Variants in GRIK2 observed in about 807,000 individuals in gnomAD.
GRIK2 encodes the protein glutamate ionotropic receptor kainate type subunit 2.
GRIK2 carries 32 observed loss-of-function variants against 100.3 expected under a neutral mutation model. That is an observed-to-expected ratio of 0.32 (90% CI 0.24 to 0.43). The LOEUF (loss-of-function observed/expected upper bound fraction) is 0.43. Ranked by LOEUF, GRIK2 falls within the 20% of genes least tolerant of loss-of-function variation. The pLI is 1.00. For synonymous variants in GRIK2, 417 were observed against 389.4 expected, an observed-to-expected ratio of 1.07 and a Z score of -0.83; for missense variants, 843 against 1,114.9, an observed-to-expected ratio of 0.76 and a Z score of 3.47.
At chr6:101,473,454 G>A (rs1772060517) in intron 2 of GRIK2, among the ~76,000 whole-genome samples, 2 of 151,652 alleles carry the variant, frequency 1.3e-5, no homozygotes, top group African/African-American at 4.8e-5. Flanking sequence ...ATAAATAATA[G>A]TCATGTAAAA....
In GRIK2 at chr6:101,537,442, TTG is replaced by T. The variant is rs72439810; in HGVS notation, c.116-84496_116-84495del. Among the ~76,000 whole-genome samples, 610 of 134,116 alleles carry T rather than the reference TTG, an allele frequency of 4.5e-3. 5 individuals are homozygous for T. Among genetic ancestry groups the T allele is most frequent in the East Asian group, 0.038 (176 of 4,610 alleles). The allele number at this position is 134,116 out of a possible 152,430, so 88.0% of individuals were successfully genotyped here. ...TGTGTGTGTGTTTGTGTGTGTGTGT[TTG>T]TGTGTGTGTGCGTGTGTGTGTGTGT... On this transcript the variant is annotated intron_variant, in intron 2 of 16. Coordinates refer to ENST00000369134, the MANE Select transcript of GRIK2 (RefSeq NM_021956.5).
intron 2 of GRIK2, among the ~76,000 whole-genome samples, chr6:101,521,519 T>G (rs1296395696): frequency 6.6e-6 from 1 of 151,986 alleles, no homozygotes; most frequent in Non-Finnish European, 1.5e-5. Flanking sequence ...TTGGCAACAT[T>G]AATCTGTTTC....
At chr6:101,424,114 C>A (rs12214134) in intron 2 of GRIK2, among the ~76,000 whole-genome samples, 10 of 151,888 alleles carry the variant, frequency 6.6e-5, no homozygotes, top group African/African-American at 2.4e-4. Flanking sequence ...CAATAAAATT[C>A]ATAACAAGTG....
intron 2 of GRIK2, among the ~76,000 whole-genome samples, chr6:101,432,822 T>C (rs1769485493): frequency 6.6e-6 from 1 of 152,192 alleles, no homozygotes; most frequent in African/African-American, 2.4e-5. Flanking sequence ...TAAATATTTT[T>C]TTCTTCTTCT....
chr6:101,793,841 C>T (rs1213597937), intron 7 of GRIK2, among the ~76,000 whole-genome samples: 2 of 152,180 alleles, frequency 1.3e-5, no homozygotes, highest in Non-Finnish European at 2.9e-5. Flanking sequence ...GGCAGACCTC[C>T]TTGAGCTGTG....
chr6:101,678,457 A>G (rs1318439275), intron 5 of GRIK2, among the ~76,000 whole-genome samples: 1 of 152,166 alleles, frequency 6.6e-6, no homozygotes, highest in East Asian at 1.9e-4. Flanking sequence ...AGAATATGAA[A>G]GTTGAGATGA....
chr6:102,045,005 T>C (rs1299105841), intron 15 of GRIK2, among the ~76,000 whole-genome samples: 1 of 152,050 alleles, frequency 6.6e-6, no homozygotes, highest in Non-Finnish European at 1.5e-5. Flanking sequence ...AGTATCTTTT[T>C]CTCCATTAAG....
chr6:101,792,588 G>A (rs1377374729), intron 7 of GRIK2, among the ~76,000 whole-genome samples: 1 of 152,072 alleles, frequency 6.6e-6, no homozygotes, highest in Non-Finnish European at 1.5e-5. Flanking sequence ...CTGTTAGTCT[G>A]ATGGGCTTCC....
intron 2 of GRIK2, among the ~76,000 whole-genome samples, chr6:101,418,920 A>G (rs1776282310): frequency 6.6e-6 from 1 of 152,196 alleles, no homozygotes; most frequent in African/African-American, 2.4e-5. Context: ...GAGAGGATGG[A>G]AAATCTTTAT....
At chr6:102,018,800 T>A (rs1769266086) in intron 14 of GRIK2, among the ~76,000 whole-genome samples, 2 of 152,112 alleles carry the variant, frequency 1.3e-5, no homozygotes, top group Admixed American at 6.6e-5. Flanking sequence ...CCTTAAATGC[T>A]GGGCTGGAAG....
In GRIK2 at chr6:102,009,867, A is replaced by G. The variant is rs1026322009; in HGVS notation, c.2086-25474A>G. On this transcript the variant is annotated intron_variant, in intron 14 of 16. Coordinates refer to ENST00000369134, the MANE Select transcript of GRIK2 (RefSeq NM_021956.5). Reference sequence around the variant, plus strand: ...TGTATGCAGTCTTCTGGGAAAAACCATTAATAAGTATTACCTTGTTAAAAG... The same window carrying G: ...TGTATGCAGTCTTCTGGGAAAAACCGTTAATAAGTATTACCTTGTTAAAAG... 7.2e-5 allele frequency among the ~76,000 whole-genome samples: 11 copies of G among 152,292 alleles called. No individual in the cohort carries two copies. In the East Asian group the frequency reaches 7.7e-4, roughly 11 times the overall value.
chr6:101,917,678 G>A (rs2246086), intron 12 of GRIK2, among the ~76,000 whole-genome samples: 141,892 of 151,402 alleles, frequency 0.94, 66,525 homozygotes, highest in Middle Eastern at 0.97. Context: ...ATTCAACAAA[G>A]TGTACCACTC....
chr6:101,890,422 G>C (rs1786972961), intron 12 of GRIK2: 1 of 152,142 alleles, frequency 6.6e-6, no homozygotes, highest in Non-Finnish European at 1.5e-5. Context: ...TATGTTTCAA[G>C]TCATAGGATC....
chr6:101,990,112 C>T (rs7745213), intron 14 of GRIK2, among the ~76,000 whole-genome samples: 1,829 of 151,668 alleles, frequency 0.012, 40 homozygotes, highest in African/African-American at 0.043. Context: ...TGGCCCCTAA[C>T]ATTTGCATTC....
rs147619379 is a variant in GRIK2, at chr6:101,635,470, A to G, written c.541+8833A>G. Among the ~76,000 whole-genome samples, 538 of 152,326 alleles carry G rather than the reference A, an allele frequency of 3.5e-3. 4 individuals are homozygous for G. Among genetic ancestry groups the G allele is most frequent in the African/African-American group, 0.012 (515 of 41,582 alleles). On this transcript the variant is annotated intron_variant, in intron 4 of 16. Transcript: ENST00000369134. ...GCAAAGATTTCATGACTAAAACACCAAAAGCAATGGCAACAGAAGCCAAGA... is the reference window on the plus strand; with the variant it reads ...GCAAAGATTTCATGACTAAAACACCGAAAGCAATGGCAACAGAAGCCAAGA...
chr6:101,686,663 A>G (rs1440598335), intron 7 of GRIK2, among the ~76,000 whole-genome samples: 4 of 152,152 alleles, frequency 2.6e-5, no homozygotes, highest in Non-Finnish European at 5.9e-5. Flanking sequence ...AAGAAGACAT[A>G]CATCTGGTAG....
At chr6:102,005,016 T>G (rs891163119) in intron 14 of GRIK2, among the ~76,000 whole-genome samples, 1 of 151,870 alleles carries the variant, frequency 6.6e-6, no homozygotes, top group Non-Finnish European at 1.5e-5. Flanking sequence ...TTATTAATAC[T>G]CTTGTCAAGA....
intron 7 of GRIK2, among the ~76,000 whole-genome samples, chr6:101,766,143 C>A (rs1047429064): frequency 3.3e-5 from 5 of 151,992 alleles, no homozygotes; most frequent in African/African-American, 1.2e-4. Context: ...AGTCCAGCAT[C>A]ATTGGAACAT....
intron 12 of GRIK2, among the ~76,000 whole-genome samples, chr6:101,909,373 T>TTTTTTTTTTG: frequency 1.8e-5 from 2 of 113,556 alleles, no homozygotes; most frequent in African/African-American, 6.4e-5. Context: ...AAGATAGGGT[T>TTTTTTTTTTG]TTCTTTTTCT....
Sources: gnomAD v4.1 joint callset for allele counts (sites outside exome capture counted in the v4.1 genomes callset) on GRCh38, gnomAD v4.1.1 for gene constraint, MANE v1.5 for transcripts, NCBI Gene and HGNC (gene_info 2026-07-23, HGNC 2026-07-21) for gene names.